Variants in ICE2 observed in about 807,000 individuals in gnomAD.
ICE2 encodes the protein little elongation complex subunit 2.
ICE2 carries 87 observed loss-of-function variants against 105.4 expected under a neutral mutation model. The observed-to-expected ratio is 0.83, with a 90% confidence interval of 0.69 to 0.99. ICE2 has a LOEUF of 0.99. ICE2 is among the 50% of genes least tolerant of loss of function. The pLI, the probability that ICE2 is intolerant of heterozygous loss-of-function variation, is 0.00. For missense variants in ICE2, 1,323 were observed against 1,146.7 expected (o/e 1.15, Z -2.22); for synonymous variants, 399 against 392.0 (o/e 1.02, Z -0.21).
At chr15:60,442,219 G>C (rs996638030) in intron 12 of ICE2, 197 bp downstream of exon 12, 6 of 455,506 alleles carry the variant, frequency 1.3e-5, no homozygotes, top group Non-Finnish European at 2.3e-5. Flanking sequence ...CTTGAGGCCA[G>C]GAGTTTGAGG....
At chr15:60,466,122 T>C (rs2064420710) in intron 5 of ICE2, among the ~76,000 whole-genome samples, 1 of 152,288 alleles carries the variant, frequency 6.6e-6, no homozygotes, top group Non-Finnish European at 1.5e-5. Flanking sequence ...TGGGATGATA[T>C]ACAGGTCTTA....
At chr15:60,427,856 G>A (rs1183257151) in intron 15 of ICE2, among the ~76,000 whole-genome samples, 4 of 152,108 alleles carry the variant, frequency 2.6e-5, no homozygotes, top group Non-Finnish European at 5.9e-5. Context: ...CTTTTGGCAA[G>A]GGTTCTATAA....
chr15:60,462,463 G>A (rs2064305573), intron 5 of ICE2, among the ~76,000 whole-genome samples: 1 of 152,116 alleles, frequency 6.6e-6, no homozygotes, highest in African/African-American at 2.4e-5. Flanking sequence ...ATGTTAATTA[G>A]TCCGGTTTGG....
chr15:60,464,522 C>T (rs1265047790), intron 5 of ICE2, among the ~76,000 whole-genome samples: 1 of 152,144 alleles, frequency 6.6e-6, no homozygotes, highest in African/African-American at 2.4e-5. Context: ...AATCAAGACA[C>T]TACTACACGC....
chr15:60,468,014 C>A (rs1376750930), intron 4 of ICE2, 47 bp downstream of exon 4: 4 of 1,432,056 alleles, frequency 2.8e-6, no homozygotes, highest in Non-Finnish European at 3.7e-6. Context: ...AAAAATATTT[C>A]CTAATTTTTA....
chr15:60,431,114 C>A (rs372981540), intron 14 of ICE2, among the ~76,000 whole-genome samples: 1 of 151,966 alleles, frequency 6.6e-6, no homozygotes, highest in Non-Finnish European at 1.5e-5. Flanking sequence ...CCTCATGATC[C>A]GCCTACCTCG....
chr15:60,427,528 C>G (rs1473745256), intron 15 of ICE2, among the ~76,000 whole-genome samples: 1 of 152,172 alleles, frequency 6.6e-6, no homozygotes, highest in East Asian at 1.9e-4. Flanking sequence ...TCAAGCGATT[C>G]TCCTGCCTCA....
chr15:60,438,898 TCA>T (rs1464844281), intron 12 of ICE2: 1 of 152,226 alleles, frequency 6.6e-6, no homozygotes, highest in East Asian at 1.9e-4. Flanking sequence ...CTCTTATATA[TCA>T]CAGTGTGCTG....
At position 60,469,286 on chromosome 15, in the gene ICE2, G is replaced by T. The variant is rs147363660; in HGVS notation, c.147-964C>A. 1.7e-4 allele frequency among the ~76,000 whole-genome samples: 26 copies of T among 152,222 alleles called. 1 individual carries two copies. In the East Asian group the frequency reaches 5.0e-3, roughly 29 times the overall value. On this transcript the variant is annotated intron_variant, in intron 3 of 15. Transcript: ENST00000261520. ...CACAGGGAAGGGAATACACATGGGC[G>T]TGTTGCGGGGTGGGGTTGGGGTAGG...
chr15:60,445,106 G>C (rs901759979), intron 11 of ICE2, among the ~76,000 whole-genome samples: 5 of 152,146 alleles, frequency 3.3e-5, no homozygotes, highest in African/African-American at 1.2e-4. Flanking sequence ...AAACTAAAAT[G>C]ACAACTAAAA....
chr15:60,466,515 G>A (rs1011169826), intron 5 of ICE2, 79 bp downstream of exon 5: 3 of 1,508,818 alleles, frequency 2.0e-6, no homozygotes, highest in Non-Finnish European at 1.8e-6. Context: ...GAATGCTTTT[G>A]GTGGAATCAT....
In ICE2 at chr15:60,466,680, C is replaced by A. The variant is rs1007100505; in HGVS notation, c.442G>T (p.Glu148Ter). 2.5e-6 allele frequency: 4 copies of A among 1,609,280 alleles called. No homozygotes were observed. In the African/African-American group the frequency reaches 5.3e-5, roughly 21 times the overall value. ...GAATTCTGCAAAAACTTTAGGAACT[C>A]AGTAACTTCTTCGTTCACATGTTTT... ...MKKHVNEEVT[E>*]FLKFLQNSAK... The change falls in exon 5 of 16, where the codon GAG (glutamate) becomes TAG (stop). Residue 148 changes from glutamate to a stop codon, truncating the protein, a stop_gained. Transcript: ENST00000261520. LOFTEE classifies it high-confidence loss of function.
At chr15:60,426,150 CT>C (rs1291444397) in intron 15 of ICE2, among the ~76,000 whole-genome samples, 3 of 152,140 alleles carry the variant, frequency 2.0e-5, no homozygotes, top group Non-Finnish European at 1.5e-5. Context: ...GGAATTTCTC[CT>C]TTTCCAAATA....
At chr15:60,442,366 G>A (rs1189113292) in intron 12 of ICE2, 50 bp downstream of exon 12, 3 of 1,485,184 alleles carry the variant, frequency 2.0e-6, no homozygotes, top group African/African-American at 2.8e-5. Context: ...TTACAAGTAT[G>A]TAATTACAAG....
At chr15:60,425,213 G>C (rs1405964351) in intron 15 of ICE2, among the ~76,000 whole-genome samples, 1 of 152,054 alleles carries the variant, frequency 6.6e-6, no homozygotes, top group Non-Finnish European at 1.5e-5. Flanking sequence ...TGACCAGAAA[G>C]GACAAATTGA....
chr15:60,464,511 G>T (rs891118574), intron 5 of ICE2, among the ~76,000 whole-genome samples: 1 of 152,136 alleles, frequency 6.6e-6, no homozygotes, highest in African/African-American at 2.4e-5. Context: ...AGACCTAAAA[G>T]AATCAAGACA....
chr15:60,448,786 A>G, intron 10 of ICE2, 62 bp downstream of exon 10: 1 of 1,393,206 alleles, frequency 7.2e-7, no homozygotes, highest in Non-Finnish European at 9.8e-7. Flanking sequence ...GGAACGAGGG[A>G]GAAAAACCTA....
Position 60,420,762 on chromosome 15 carries a change from T to TCA in ICE2, c.*2871_*2872insTG. 6.6e-6 allele frequency: 1 copy of TCA among 152,202 alleles called. No individual in the cohort carries two copies. Among genetic ancestry groups the TCA allele is most frequent in the African/African-American group, 2.4e-5 (1 of 41,440 alleles). 9.4% of individuals were successfully genotyped at this position (152,202 alleles called of 1,614,324 possible). On this transcript the variant is annotated 3_prime_UTR_variant, in exon 16 of 16. Coordinates refer to ENST00000261520, the MANE Select transcript of ICE2 (RefSeq NM_024611.6). ...AAAACCTTAACTACCAAGATCTGGT[T>TCA]AGATGACTTGCTTACTTTATCAAAG...
At chr15:60,473,221 G>A (rs892497670) in intron 3 of ICE2, among the ~76,000 whole-genome samples, 10 of 151,966 alleles carry the variant, frequency 6.6e-5, no homozygotes, top group Non-Finnish European at 1.2e-4. Context: ...TGTTATTATA[G>A]GCATGAGCTG....
Sources: allele counts gnomAD v4.1 joint callset (sites outside exome capture counted in the v4.1 genomes callset), GRCh38; gene constraint gnomAD v4.1.1; transcripts MANE v1.5; gene names NCBI Gene and HGNC (gene_info 2026-07-23, HGNC 2026-07-21).